The following MYO7B variants were observed in gnomAD, a reference collection of about 807,000 sequenced individuals.
MYO7B encodes unconventional myosin-VIIb.
A neutral mutation model predicts 259.7 loss-of-function variants in MYO7B; 212 were observed. The observed-to-expected ratio is 0.82, with a 90% CI of 0.73 to 0.91. The LOEUF is 0.91. Ranked by LOEUF, MYO7B falls within the 40% of genes least tolerant of loss-of-function variation. The probability of loss-of-function intolerance (pLI) is 0.00; values close to 1 mark genes in which losing one functional copy is unlikely to be tolerated. For synonymous variants in MYO7B, 1,197 were observed against 1,166.4 expected, an observed-to-expected ratio of 1.03 and a Z score of -0.54; for missense variants, 2,732 against 2,813.5, an observed-to-expected ratio of 0.97 and a Z score of 0.66.
intron 15 of MYO7B, among the ~76,000 whole-genome samples, chr2:127,589,500 GC>G (rs1679459545): frequency 6.6e-6 from 1 of 150,600 alleles, no homozygotes; most frequent in African/African-American, 2.5e-5. Context: ...TGGGGGCCAC[GC>G]CTGGGTAGAG....
At chr2:127,625,567 G>T (rs189347594) in intron 31 of MYO7B, 32 bp downstream of exon 31, 1 of 1,552,546 alleles carries the variant, frequency 6.4e-7, no homozygotes. Context: ...GCACCCACCC[G>T]AGGGCTCTCC....
chr2:127,610,198 G>A (rs1192811659), intron 24 of MYO7B, among the ~76,000 whole-genome samples, 182 bp downstream of exon 24: 2 of 152,178 alleles, frequency 1.3e-5, no homozygotes, highest in African/African-American at 4.8e-5. Context: ...ACCATGTTCA[G>A]GAGCTCATGA....
chr2:127,607,035 C>G lies in MYO7B; in HGVS notation c.2425-171C>G, dbSNP rs985549403. Reference sequence around the variant, plus strand: ...CGCTCTGGCCTAAGTACTTTGTAAGCAATAACTCACTATTCTTGTGTTCAT... The same window carrying G: ...CGCTCTGGCCTAAGTACTTTGTAAGGAATAACTCACTATTCTTGTGTTCAT... On this transcript the variant is annotated intron_variant, in intron 20 of 47. Transcript: ENST00000409816. This position sits in a 1 kb window ranked among gnomAD's most constrained non-coding sequence, Gnocchi z 4.4. 1.3e-5 allele frequency among the ~76,000 whole-genome samples: 2 copies of G among 152,270 alleles called. No individual in the cohort carries two copies. The highest frequency in any genetic ancestry group is 4.8e-5 in the African/African-American group (2 of 41,476).
chr2:127,632,338 T>G lies in MYO7B; in HGVS notation c.5342T>G (p.Ile1781Arg). 6.2e-7 allele frequency: 1 copy of G among 1,605,760 alleles called. No individual in the cohort carries two copies. The highest frequency in any genetic ancestry group is 1.7e-5 in the Admixed American group (1 of 58,786). ...KGLLPHAQKF[I>R]DTRRGKLLAP... ...CTGCTGCCCCATGCCCAGAAGTTTA[T>G]AGACACTCGGAGGGGGAAGCTGCTG... The change falls in exon 39 of 48, where the codon ATA becomes AGA. Residue 1781 changes from isoleucine (I) to arginine (R), a missense_variant. Ile to Arg is a moderately conservative substitution (Grantham distance 97, BLOSUM62 -3). Around this residue, in one of 3 missense-constraint regions of MYO7B, gnomAD observed 821 missense variants for 769.3 expected, o/e 1.07. Transcript: ENST00000409816.
intron 18 of MYO7B, among the ~76,000 whole-genome samples, chr2:127,594,403 A>G (rs969703713): frequency 2.0e-5 from 3 of 152,180 alleles, no homozygotes; most frequent in Non-Finnish European, 4.4e-5. Flanking sequence ...CTTCCCCCAT[A>G]GTGCCTGCCC....
At chr2:127,543,681 C>T (rs1017898116) in intron 1 of MYO7B, among the ~76,000 whole-genome samples, 4 of 152,020 alleles carry the variant, frequency 2.6e-5, no homozygotes, top group African/African-American at 9.7e-5. Flanking sequence ...TTCTCTCCAT[C>T]ACTCTCTTTC....
At chr2:127,617,285 T>C (rs1680605470) in intron 26 of MYO7B, among the ~76,000 whole-genome samples, 1 of 152,174 alleles carries the variant, frequency 6.6e-6, no homozygotes, top group Non-Finnish European at 1.5e-5. Context: ...CGATAGGTGC[T>C]GTAGGTGGGG....
chr2:127,596,114 G>A (rs1300687189), intron 18 of MYO7B, among the ~76,000 whole-genome samples: 2 of 152,186 alleles, frequency 1.3e-5, no homozygotes, highest in African/African-American at 4.8e-5. Context: ...CAAGCATGGG[G>A]CTTTTACACG....
At chr2:127,631,840 C>A in intron 38 of MYO7B, 87 bp downstream of exon 38, 4 of 1,507,402 alleles carry the variant, frequency 2.7e-6, no homozygotes, top group Admixed American at 2.0e-5. Flanking sequence ...GAGAGGACAC[C>A]GCAGCTGGTG....
intron 14 of MYO7B, among the ~76,000 whole-genome samples, chr2:127,587,490 T>C (rs1286506821): frequency 6.6e-6 from 1 of 152,056 alleles, no homozygotes; most frequent in Non-Finnish European, 1.5e-5. Context: ...CAGATGGCCG[T>C]CTTCTCTCTG....
intron 19 of MYO7B, among the ~76,000 whole-genome samples, chr2:127,603,075 G>C (rs541040842): frequency 6.6e-6 from 1 of 151,670 alleles, no homozygotes; most frequent in South Asian, 2.1e-4. Context: ...ACATCTTCAG[G>C]CTCCACTTCT....
chr2:127,548,807 T>C (rs1415350880), intron 1 of MYO7B, among the ~76,000 whole-genome samples: 1 of 152,228 alleles, frequency 6.6e-6, no homozygotes, highest in Non-Finnish European at 1.5e-5. Flanking sequence ...ATTTTCATTT[T>C]CATTTAATTT....
At chr2:127,588,968 GGTGGATGGGTA>G (rs1421027765) in intron 15 of MYO7B, among the ~76,000 whole-genome samples, 1 of 148,202 alleles carries the variant, frequency 6.7e-6, no homozygotes, top group Admixed American at 6.7e-5. Flanking sequence ...TGGGTGAGTG[GGTGGATGGGTA>G]GTGGATGGGT....
Position 127,635,137 on chromosome 2 carries a change from C to T in MYO7B, c.5731C>T (p.Pro1911Ser), listed in dbSNP as rs1314543305. 6.2e-7 allele frequency: 1 copy of T among 1,613,084 alleles called. No homozygotes were observed. Among genetic ancestry groups the T allele is most frequent in the Non-Finnish European group, 8.5e-7 (1 of 1,179,640 alleles). ...PQKEGAPVTL[P>S]YQVYFMRKLW... The stretch of plus-strand genomic sequence containing the variant: ...TCGCCCAGGGGCCCCCGTGACGCTC[C>T]CCTACCAGGTGTACTTCATGCGGAA... Residue 1911 changes from proline (P) to serine (S), a missense_variant, in exon 43 of 48, where the codon CCC (proline) becomes TCC (serine). Around this residue, in one of 3 missense-constraint regions of MYO7B, gnomAD observed 821 missense variants for 769.3 expected, o/e 1.07. Transcript: ENST00000409816.
chr2:127,557,702 C>T (rs1677889956), intron 1 of MYO7B, among the ~76,000 whole-genome samples: 1 of 152,082 alleles, frequency 6.6e-6, no homozygotes, highest in Non-Finnish European at 1.5e-5. Flanking sequence ...TGCTTACAGC[C>T]AACTGACCTT....
Position 127,622,042 on chromosome 2 carries a change from C to T in MYO7B, c.3586C>T (p.Leu1196=). 1 of 1,551,776 alleles carries T rather than the reference C, an allele frequency of 6.4e-7. No homozygotes were observed. The highest frequency in any genetic ancestry group is 8.7e-7 in the Non-Finnish European group (1 of 1,147,004). Residue 1196 remains leucine (L), a synonymous_variant, in exon 28 of 48, where the codon CTG becomes TTG. Transcript: ENST00000409816. ...CTACGGCCCCTTCTGTGCCGAGCGC[C>T]TGAGACGCACCTATGCCAATGGGGT... ...ATYGPFCAER[L]RRTYANGVRA...
At chr2:127,634,565 C>T (rs1558856019) in intron 41 of MYO7B, 31 bp from the exon 42 acceptor site, 2 of 1,588,086 alleles carry the variant, frequency 1.3e-6, no homozygotes, top group Non-Finnish European at 1.7e-6. Context: ...CCGGAAGCCA[C>T]CCAACTTCCC....
Position 127,586,783 on chromosome 2 carries a change from GC to G in MYO7B, c.1691-1608del, listed in dbSNP as rs1484490097. Among the ~76,000 whole-genome samples, 1 of 152,132 alleles carries G rather than the reference GC, an allele frequency of 6.6e-6. No individual in the cohort carries two copies. Among genetic ancestry groups the G allele is most frequent in the African/African-American group, 2.4e-5 (1 of 41,412 alleles). ...CTTTTTATTTTGGATACCATGCTGTGCTGATGACCTCAGCTTTACTTACTCT... is the reference window on the plus strand; with the variant it reads ...CTTTTTATTTTGGATACCATGCTGTGTGATGACCTCAGCTTTACTTACTCT... On this transcript the variant is annotated intron_variant, in intron 14 of 47. Coordinates refer to ENST00000409816, the MANE Select transcript of MYO7B (RefSeq NM_001393586.1). This position sits in a 1 kb window ranked among gnomAD's most constrained non-coding sequence, Gnocchi z 4.8.
intron 12 of MYO7B, among the ~76,000 whole-genome samples, chr2:127,583,277 A>C (rs1679173801): frequency 6.6e-6 from 1 of 152,174 alleles, no homozygotes; most frequent in African/African-American, 2.4e-5. Context: ...GTGATTTAGA[A>C]GGGCCCCCCT....
Sources: gnomAD v4.1 joint callset for allele counts (sites outside exome capture counted in the v4.1 genomes callset) on GRCh38, gnomAD v4.1.1 for gene constraint, gnomAD v4.1.1 regional missense constraint, Gnocchi (gnomAD v3.1) non-coding constraint, MANE v1.5 for transcripts, NCBI Gene and HGNC (gene_info 2026-07-23, HGNC 2026-07-21) for gene names.